Variants in NR1H4 observed in about 807,000 individuals in gnomAD.
NR1H4 encodes the protein bile acid receptor.
NR1H4 carries 23 observed loss-of-function variants against 58.5 expected under a neutral mutation model. The observed-to-expected ratio is 0.39, with a 90% CI of 0.28 to 0.56. The LOEUF is 0.56. Among genes scored for constraint, NR1H4 ranks in the 20% least tolerant of loss-of-function variants. The pLI, the probability that NR1H4 is intolerant of heterozygous loss-of-function variation, is 0.58. For synonymous variants in NR1H4, 214 were observed against 198.0 expected (o/e 1.08, Z -0.68); for missense variants, 487 against 576.9 (o/e 0.84, Z 1.60).
chr12:100,563,221 T>C, intron 10 of NR1H4, 30 bp from the exon 11 acceptor site: 2 of 1,535,876 alleles, frequency 1.3e-6, no homozygotes, highest in East Asian at 4.5e-5. Context: ...ACTTTTTAAT[T>C]TTGTCATTTT....
chr12:100,544,657 T>C (rs1955017956), intron 9 of NR1H4, among the ~76,000 whole-genome samples: 1 of 152,140 alleles, frequency 6.6e-6, no homozygotes, highest in African/African-American at 2.4e-5. Flanking sequence ...ATGCCTGGCT[T>C]GGACTGGGTG....
At chr12:100,502,137 A>G (rs1953850100) in intron 3 of NR1H4, among the ~76,000 whole-genome samples, 1 of 152,234 alleles carries the variant, frequency 6.6e-6, no homozygotes, top group Non-Finnish European at 1.5e-5. Flanking sequence ...ATAATCACGT[A>G]TAATTCTTTG....
chr12:100,557,985 C>T (rs938083905), intron 9 of NR1H4, among the ~76,000 whole-genome samples: 5 of 152,092 alleles, frequency 3.3e-5, no homozygotes, highest in Non-Finnish European at 7.4e-5. Context: ...GATTCTCCAT[C>T]CAATGGCTCT....
rs911172738 is a variant in NR1H4, at chr12:100,473,992, G to C, written c.-257G>C. 6.6e-6 allele frequency: 1 copy of C among 152,140 alleles called. No homozygotes were observed. The highest frequency in any genetic ancestry group is 1.5e-5 in the Non-Finnish European group (1 of 68,040). 9.4% of individuals were successfully genotyped at this position (152,140 alleles called of 1,614,324 possible). A position where few individuals can be genotyped will look rare whatever the true frequency, so the allele number is the denominator to read the frequency against. On this transcript the variant is annotated 5_prime_UTR_variant, in exon 1 of 11. Coordinates refer to ENST00000392986, the MANE Select transcript of NR1H4 (RefSeq NM_001206979.2). ...TTTGTAGCAAAATCGCTGGGATCTGGAGAGGAAGACTCAGTCCAGAATCCT... is the reference window on the plus strand; with the variant it reads ...TTTGTAGCAAAATCGCTGGGATCTGCAGAGGAAGACTCAGTCCAGAATCCT...
intron 1 of NR1H4, among the ~76,000 whole-genome samples, chr12:100,478,799 A>C (rs1953322089): frequency 1.3e-5 from 2 of 152,172 alleles, no homozygotes; most frequent in South Asian, 4.1e-4. Context: ...TTAAAATTGC[A>C]CTTTATTTTA....
At chr12:100,510,729 T>C (rs773497069) in intron 3 of NR1H4, 49 bp from the exon 4 acceptor site, 223 of 1,611,614 alleles carry the variant, frequency 1.4e-4, no homozygotes, top group Non-Finnish European at 1.8e-4. Flanking sequence ...GCCTCTCTAA[T>C]TTCCAGAATG....
intron 3 of NR1H4, among the ~76,000 whole-genome samples, chr12:100,496,390 C>T (rs1299821823): frequency 6.6e-6 from 1 of 152,078 alleles, no homozygotes; most frequent in Non-Finnish European, 1.5e-5. Flanking sequence ...CAATTGAGCA[C>T]AGCCTGAAAG....
chr12:100,498,923 T>C (rs1218133055), intron 3 of NR1H4, among the ~76,000 whole-genome samples: 2 of 152,168 alleles, frequency 1.3e-5, no homozygotes, highest in African/African-American at 4.8e-5. Context: ...TAGGGTGCGC[T>C]TTATTTCTTT....
intron 9 of NR1H4, among the ~76,000 whole-genome samples, chr12:100,550,646 G>T (rs1013211065): frequency 8.5e-5 from 13 of 152,140 alleles, no homozygotes; most frequent in Non-Finnish European, 1.3e-4. Context: ...GATTACAGGT[G>T]TGAGCCACCG....
Position 100,563,721 on chromosome 12 carries a change from C to T in NR1H4, c.*232C>T. The T allele has an allele frequency of 1.9e-6, 1 of 522,106 alleles. No homozygotes were observed. Among genetic ancestry groups the T allele is most frequent in the South Asian group, 2.8e-5 (1 of 35,876 alleles). The allele number at this position is 522,106 out of a possible 1,614,324, so 32.3% of individuals were successfully genotyped here. ...AATCCTGCATTCTAATTGGCAAGCC[C>T]TGTTTGCCTAATTAAATTGATTGTT... On this transcript the variant is annotated 3_prime_UTR_variant, in exon 11 of 11. Transcript: ENST00000392986.
chr12:100,540,017 A>G (rs1238516882), intron 8 of NR1H4, among the ~76,000 whole-genome samples: 1 of 152,216 alleles, frequency 6.6e-6, no homozygotes, highest in Non-Finnish European at 1.5e-5. Context: ...CACAAAGAGT[A>G]GAGGGAATGA....
chr12:100,551,411 G>A (rs1955199653), intron 9 of NR1H4, among the ~76,000 whole-genome samples: 1 of 152,174 alleles, frequency 6.6e-6, no homozygotes, highest in Non-Finnish European at 1.5e-5. Context: ...AATCTAAGCT[G>A]ATTATCAGTT....
intron 9 of NR1H4, among the ~76,000 whole-genome samples, chr12:100,554,949 T>G (rs182313703): frequency 1.5e-4 from 23 of 152,350 alleles, no homozygotes; most frequent in Admixed American, 3.3e-4. Flanking sequence ...AGGAAAATTA[T>G]TTTTTAACTC....
intron 8 of NR1H4, among the ~76,000 whole-genome samples, chr12:100,537,795 C>T (rs1954847611): frequency 6.6e-6 from 1 of 152,198 alleles, no homozygotes; most frequent in African/African-American, 2.4e-5. Context: ...CTCACTGCAA[C>T]CTCTGCTTCC....
intron 9 of NR1H4, among the ~76,000 whole-genome samples, chr12:100,541,453 G>T (rs1009297585): frequency 2.0e-5 from 3 of 150,952 alleles, no homozygotes; most frequent in African/African-American, 4.9e-5. Flanking sequence ...AGCTAATTTT[G>T]GTATTTTTAG....
intron 9 of NR1H4, among the ~76,000 whole-genome samples, chr12:100,547,984 T>G (rs959108381): frequency 3.3e-5 from 5 of 150,844 alleles, no homozygotes; most frequent in Admixed American, 3.3e-4. Context: ...CCTCCCAAAG[T>G]GCTGGGATTA....
chr12:100,552,391 C>G (rs1372957695), intron 9 of NR1H4, among the ~76,000 whole-genome samples: 4 of 152,132 alleles, frequency 2.6e-5, no homozygotes, highest in East Asian at 1.9e-4. Context: ...GAGTATGGCA[C>G]AAATGACTCC....
chr12:100,561,256 G>A (rs1955465490), intron 9 of NR1H4, among the ~76,000 whole-genome samples: 1 of 152,124 alleles, frequency 6.6e-6, no homozygotes, highest in Non-Finnish European at 1.5e-5. Flanking sequence ...AAATTAGCCG[G>A]GCGCGGTGGC....
chr12:100,476,813 G>A (rs1302522431), intron 1 of NR1H4, among the ~76,000 whole-genome samples: 4 of 152,150 alleles, frequency 2.6e-5, no homozygotes, highest in Non-Finnish European at 4.4e-5. Context: ...CTTGAGCTCA[G>A]GAGTTCAAGG....
Sources: allele counts gnomAD v4.1 joint callset (sites outside exome capture counted in the v4.1 genomes callset), GRCh38; gene constraint gnomAD v4.1.1; transcripts MANE v1.5; gene names NCBI Gene and HGNC (gene_info 2026-07-23, HGNC 2026-07-21).